PDE10A: variants seen among roughly 807,000 people sequenced by gnomAD.
PDE10A encodes cAMP and cAMP-inhibited cGMP 3',5'-cyclic phosphodiesterase 10A.
A neutral mutation model predicts 97.7 loss-of-function variants in PDE10A; 39 were observed. The ratio of observed to expected loss-of-function variants is 0.40; its 90% CI spans 0.31 to 0.52. The LOEUF is 0.52. PDE10A is among the 20% of genes least tolerant of loss of function. The pLI, the probability that PDE10A is intolerant of heterozygous loss-of-function variation, is 0.56. For missense variants in PDE10A, 731 were observed against 1,047.8 expected (o/e 0.70, Z 4.17); for synonymous variants, 371 against 376.8 (o/e 0.98, Z 0.18).
intron 1 of PDE10A, among the ~76,000 whole-genome samples, chr6:165,900,238 G>A (rs9365936): frequency 0.15 from 22,831 of 152,138 alleles, 1,918 homozygotes; most frequent in East Asian, 0.23. Context: ...TTGGGAGGCC[G>A]AGGCAGGCAG....
chr6:165,773,676 A>G (rs1778080902), intron 1 of PDE10A, among the ~76,000 whole-genome samples: 1 of 152,208 alleles, frequency 6.6e-6, no homozygotes, highest in Non-Finnish European at 1.5e-5. Context: ...TGGGCTAATT[A>G]GTTTATTGTC....
At chr6:165,462,645 T>C (rs976029527) in intron 3 of PDE10A, among the ~76,000 whole-genome samples, 1 of 152,004 alleles carries the variant, frequency 6.6e-6, no homozygotes, top group African/African-American at 2.4e-5. Flanking sequence ...GCAACACCCG[T>C]CAAACACAGC....
At chr6:165,365,071 GAACA>G (rs1425843954) in intron 18 of PDE10A, among the ~76,000 whole-genome samples, 1 of 151,172 alleles carries the variant, frequency 6.6e-6, no homozygotes, top group Non-Finnish European at 1.5e-5. Context: ...ATTAATGAAA[GAACA>G]GACAACAAAT....
At chr6:165,848,561 G>A (rs532511744) in intron 1 of PDE10A, among the ~76,000 whole-genome samples, 13 of 152,186 alleles carry the variant, frequency 8.5e-5, no homozygotes, top group South Asian at 2.1e-4. Flanking sequence ...CACACCATGC[G>A]GGAAAAATCA....
At chr6:165,938,779 C>T (rs554133467) in intron 1 of PDE10A, among the ~76,000 whole-genome samples, 14 of 152,186 alleles carry the variant, frequency 9.2e-5, no homozygotes, top group East Asian at 3.9e-4. Flanking sequence ...CACACACACA[C>T]GCACTACATA....
chr6:165,389,477 A>C (rs923227531), intron 16 of PDE10A, among the ~76,000 whole-genome samples: 1 of 152,208 alleles, frequency 6.6e-6, no homozygotes. Flanking sequence ...AAAGGACATG[A>C]GGAGGGGTCA....
chr6:165,950,374 A>G (rs941579758), intron 1 of PDE10A, among the ~76,000 whole-genome samples: 4 of 152,150 alleles, frequency 2.6e-5, no homozygotes, highest in Admixed American at 6.5e-5. Context: ...AGCATTTTCT[A>G]TTTGCACACT....
rs553972660 is a variant in PDE10A at position 165,900,682 on chromosome 6, G to A, written c.-615+86847C>T. 2.6e-5 allele frequency among the ~76,000 whole-genome samples: 4 copies of A among 152,228 alleles called. No homozygotes were observed. The East Asian group carries it at 7.7e-4, about 29-fold the overall frequency. ...ACCCAGTGAGTATTGGTTATAATTG[G>A]TTGGTAACAGAAAAAGGATTACAGG... On this transcript the variant is annotated intron_variant, in intron 1 of 19. Coordinates refer to the PDE10A transcript ENST00000366882.
intron 1 of PDE10A, among the ~76,000 whole-genome samples, chr6:165,886,874 A>G (rs758629007): frequency 6.6e-6 from 1 of 152,220 alleles, no homozygotes; most frequent in East Asian, 1.9e-4. Context: ...GGGAAGCATA[A>G]TGCCATCTTG....
At chr6:165,435,750 A>C (rs220821) in intron 5 of PDE10A, among the ~76,000 whole-genome samples, 60,506 of 152,022 alleles carry the variant, frequency 0.4, 12,829 homozygotes, top group African/African-American at 0.55. Context: ...CAGACTTGAC[A>C]CATGTTACCT....
chr6:165,474,868 A>G (rs1779207557), intron 3 of PDE10A, among the ~76,000 whole-genome samples: 1 of 152,220 alleles, frequency 6.6e-6, no homozygotes. Context: ...AGTGCCTGAC[A>G]TTGAGATCGA....
chr6:165,621,071 T>C (rs1788108386), intron 1 of PDE10A, among the ~76,000 whole-genome samples: 1 of 151,596 alleles, frequency 6.6e-6, no homozygotes, highest in Non-Finnish European at 1.5e-5. Flanking sequence ...GGATAGCTGC[T>C]CACACTATTA....
chr6:165,333,676 G>A lies in PDE10A; in HGVS notation c.3066-549C>T, dbSNP rs142850679. Among the ~76,000 whole-genome samples the A allele has an allele frequency of 8.7e-3, 1,329 of 152,290 alleles. 17 individuals carry two copies. Among genetic ancestry groups the A allele is most frequent in the African/African-American group, 0.03 (1,255 of 41,554 alleles). ...GAAATTTTCTTGTTACAGTAAAACC[G>A]TGTTTGTGCTCTGGTAAGTCCTCAC... On this transcript the variant is annotated intron_variant, in intron 21 of 21. Transcript: ENST00000539869.
chr6:165,417,633 A>G (rs1032902748), intron 11 of PDE10A, among the ~76,000 whole-genome samples: 1 of 90,302 alleles, frequency 1.1e-5, no homozygotes, highest in African/African-American at 5.0e-5. Context: ...TAACAGCAAC[A>G]ACAAAAAAAA....
At chr6:165,446,307 G>A (rs1424215903) in intron 5 of PDE10A, among the ~76,000 whole-genome samples, 7 of 152,140 alleles carry the variant, frequency 4.6e-5, no homozygotes. Flanking sequence ...TCAGATGGAA[G>A]AAAAATGATC....
At chr6:165,853,469 A>G (rs1780628317) in intron 1 of PDE10A, among the ~76,000 whole-genome samples, 1 of 152,240 alleles carries the variant, frequency 6.6e-6, no homozygotes, top group Non-Finnish European at 1.5e-5. Context: ...CCATCCTGGT[A>G]TGCAGGTTCT....
intron 1 of PDE10A, among the ~76,000 whole-genome samples, chr6:165,899,349 G>A (rs1413798201): frequency 6.6e-6 from 1 of 152,174 alleles, no homozygotes. Flanking sequence ...TTTGACTAGA[G>A]TTGACATTTA....
intron 21 of PDE10A, among the ~76,000 whole-genome samples, chr6:165,335,270 G>A (rs1054758514): frequency 6.6e-5 from 10 of 151,966 alleles, no homozygotes; most frequent in South Asian, 2.1e-4. Flanking sequence ...AAGAGGAAGC[G>A]GTTATTCAAA....
At chr6:165,702,072 C>A (rs1055632010) in intron 1 of PDE10A, among the ~76,000 whole-genome samples, 29 of 152,126 alleles carry the variant, frequency 1.9e-4, no homozygotes, top group African/African-American at 6.5e-4. Flanking sequence ...CTATGTTACA[C>A]TATAATTAGA....
Sources: gnomAD v4.1 joint callset for allele counts (sites outside exome capture counted in the v4.1 genomes callset) on GRCh38, gnomAD v4.1.1 for gene constraint, MANE v1.5 for transcripts, NCBI Gene and HGNC (gene_info 2026-07-23, HGNC 2026-07-21) for gene names.